Variants in CACNA1A observed in about 807,000 individuals in gnomAD.
CACNA1A encodes the protein calcium voltage-gated channel subunit alpha1 A.
Under a neutral mutation model 262.4 loss-of-function variants are expected in CACNA1A, and 57 were observed. The observed-to-expected ratio is 0.22, with a 90% CI of 0.18 to 0.27. CACNA1A has a LOEUF of 0.27. Among genes scored for constraint, CACNA1A ranks in the 10% least tolerant of loss-of-function variants. The pLI, the probability that CACNA1A is intolerant of heterozygous loss-of-function variation, is 1.00. For synonymous variants in CACNA1A, 1,431 were observed against 1,419.3 expected (o/e 1.01, Z -0.18); for missense variants, 2,526 against 3,562.8 (o/e 0.71, Z 7.41).
chr19:13,247,279 C>T (rs1239977585), intron 30 of CACNA1A, among the ~76,000 whole-genome samples: 2 of 152,356 alleles, frequency 1.3e-5, no homozygotes, highest in East Asian at 3.9e-4. Flanking sequence ...GGGGCCTCTG[C>T]GCCCTTCTCT....
chr19:13,249,894 T>C (rs977218002), intron 30 of CACNA1A, among the ~76,000 whole-genome samples: 2 of 152,092 alleles, frequency 1.3e-5, no homozygotes, highest in Admixed American at 1.3e-4. Context: ...CCTGAGACCC[T>C]GGCTGAGACC....
chr19:13,378,756 C>T (rs1234159037), intron 3 of CACNA1A, among the ~76,000 whole-genome samples: 1 of 151,772 alleles, frequency 6.6e-6, no homozygotes, highest in African/African-American at 2.4e-5. Context: ...TCCCCCCCGC[C>T]TCCCAGGTTC....
chr19:13,429,859 A>G (rs1232311117), intron 3 of CACNA1A, among the ~76,000 whole-genome samples: 2 of 151,538 alleles, frequency 1.3e-5, no homozygotes, highest in African/African-American at 4.9e-5. Flanking sequence ...GAAACAAACC[A>G]GTCACAAAAA....
chr19:13,355,812 G>A (rs1213130199), intron 6 of CACNA1A, among the ~76,000 whole-genome samples: 1 of 152,140 alleles, frequency 6.6e-6, no homozygotes, highest in South Asian at 2.1e-4. Context: ...CTCTATGGTG[G>A]GGCAGAGGTG....
At chr19:13,301,423 C>T (rs1329664357) in intron 17 of CACNA1A, among the ~76,000 whole-genome samples, 1 of 152,212 alleles carries the variant, frequency 6.6e-6, no homozygotes, top group Non-Finnish European at 1.5e-5. Context: ...CAACAGCCCC[C>T]AGAAGGAGAA....
chr19:13,347,064 T>TTG (rs1378972213), intron 6 of CACNA1A, among the ~76,000 whole-genome samples: 17 of 76,620 alleles, frequency 2.2e-4, no homozygotes, highest in African/African-American at 6.5e-4. Context: ...TTTTTGTTTT[T>TTG]TTGTTTTTTT....
intron 10 of CACNA1A, among the ~76,000 whole-genome samples, chr19:13,328,201 C>G (rs10404089): frequency 0.24 from 37,117 of 151,952 alleles, 5,681 homozygotes; most frequent in African/African-American, 0.44. Context: ...CACTGTACCT[C>G]GTCATAAAAC....
At chr19:13,385,285 A>T (rs560065469) in intron 3 of CACNA1A, among the ~76,000 whole-genome samples, 1 of 145,464 alleles carries the variant, frequency 6.9e-6, no homozygotes. Flanking sequence ...GCTGGAGTGC[A>T]GTGGCACGAT....
chr19:13,480,522 T>C (rs546838435), intron 1 of CACNA1A, among the ~76,000 whole-genome samples: 3 of 152,094 alleles, frequency 2.0e-5, no homozygotes, highest in East Asian at 3.9e-4. Context: ...TAGTTAAGCT[T>C]TGGGGGAGTC....
At chr19:13,238,485 CTGACT>C (rs2055954513) in intron 31 of CACNA1A, among the ~76,000 whole-genome samples, 1 of 152,120 alleles carries the variant, frequency 6.6e-6, no homozygotes, top group Non-Finnish European at 1.5e-5. Context: ...ACCTGCCTAT[CTGACT>C]TATTTCGGGA....
At chr19:13,449,743 C>T (rs906039704) in intron 3 of CACNA1A, among the ~76,000 whole-genome samples, 3 of 152,118 alleles carry the variant, frequency 2.0e-5, no homozygotes, top group African/African-American at 4.8e-5. Context: ...AGTGTGAATA[C>T]ATAAATGCAA....
chr19:13,291,580 C>T (rs1341311572), intron 19 of CACNA1A, among the ~76,000 whole-genome samples: 1 of 145,984 alleles, frequency 6.9e-6, no homozygotes, highest in Non-Finnish European at 1.5e-5. Flanking sequence ...AGGAAGATCG[C>T]TTGAGCCCAG....
intron 38 of CACNA1A, chr19:13,215,041 G>C (rs1270260708): frequency 6.2e-6 from 1 of 160,554 alleles, no homozygotes; most frequent in Non-Finnish European, 1.3e-5. Flanking sequence ...ACAGAGTCTT[G>C]CTCTGTTGCC....
rs765452604 is a variant in CACNA1A, at chr19:13,286,866, C to T, written c.3190G>A (p.Asp1064Asn). ...LGRQDPPLAE[D>N]IDNMKNNKLA... ...TTGTTGTTCTTCATGTTGTCAATAT[C>T]CTCTGCCAGGGGTGGGTCTTGGCGG... Residue 1064 changes from aspartate to asparagine, a missense_variant, in exon 20 of 47, where the codon GAT becomes AAT. This residue lies in a region of CACNA1A where 765 missense variants were observed against 748.6 expected (regional missense o/e 1.02). Transcript: ENST00000360228. 1 of 1,613,716 alleles carries T rather than the reference C, an allele frequency of 6.2e-7. No homozygotes were observed. Among genetic ancestry groups the T allele is most frequent in the Non-Finnish European group, 8.5e-7 (1 of 1,179,850 alleles).
chr19:13,465,712 C>T (rs2061222466), intron 1 of CACNA1A, among the ~76,000 whole-genome samples: 1 of 152,122 alleles, frequency 6.6e-6, no homozygotes, highest in African/African-American at 2.4e-5. Flanking sequence ...TGGTCTTGAA[C>T]ACCTGGGCTC....
intron 1 of CACNA1A, among the ~76,000 whole-genome samples, chr19:13,505,473 C>T (rs936080022): frequency 3.9e-5 from 6 of 152,148 alleles, no homozygotes; most frequent in Non-Finnish European, 5.9e-5. Context: ...GTCCAGCTTC[C>T]CCTGCGTGGA....
At chr19:13,293,076 T>C (rs2144921539) in intron 19 of CACNA1A, among the ~76,000 whole-genome samples, 1 of 152,286 alleles carries the variant, frequency 6.6e-6, no homozygotes, top group East Asian at 1.9e-4. Context: ...GCAGGAACCA[T>C]CTGTGGGATT....
chr19:13,424,590 T>C (rs2060369977), intron 3 of CACNA1A, among the ~76,000 whole-genome samples: 1 of 149,640 alleles, frequency 6.7e-6, no homozygotes, highest in African/African-American at 2.5e-5. Context: ...CTCAGCCTCC[T>C]GAGTAGCTAG....
chr19:13,360,474 A>ATTT (rs58721308), intron 5 of CACNA1A, among the ~76,000 whole-genome samples: 7 of 126,256 alleles, frequency 5.5e-5, no homozygotes, highest in South Asian at 2.7e-4. Flanking sequence ...TGCCACTAGA[A>ATTT]TTTTTTTTTT....
Sources: allele counts gnomAD v4.1 joint callset (sites outside exome capture counted in the v4.1 genomes callset), GRCh38; gene constraint gnomAD v4.1.1; regional missense constraint gnomAD v4.1.1; transcripts MANE v1.5; gene names NCBI Gene and HGNC (gene_info 2026-07-23, HGNC 2026-07-21).